Variants in PDZRN3 observed in about 807,000 individuals in gnomAD.
The protein encoded by PDZRN3 is E3 ubiquitin-protein ligase PDZRN3.
Under a neutral mutation model 85.7 loss-of-function variants are expected in PDZRN3, and 38 were observed. That is an observed-to-expected ratio of 0.44 (90% CI 0.34 to 0.58). The LOEUF (loss-of-function observed/expected upper bound fraction) is 0.58. PDZRN3 is among the 20% of genes least tolerant of loss of function. PDZRN3 has a pLI of 0.01. For missense variants in PDZRN3, 1,629 were observed against 1,506.4 expected (o/e 1.08, Z -1.35); for synonymous variants, 759 against 638.0 (o/e 1.19, Z -2.86).
intron 3 of PDZRN3, among the ~76,000 whole-genome samples, chr3:73,563,236 C>T (rs933578357): frequency 2.0e-5 from 3 of 150,326 alleles, no homozygotes; most frequent in East Asian, 2.0e-4. Flanking sequence ...GGGGTTTCAC[C>T]GTGTTAGCCA....
chr3:73,582,898 TATTTC>T (rs1442129041), intron 3 of PDZRN3, among the ~76,000 whole-genome samples: 1 of 152,210 alleles, frequency 6.6e-6, no homozygotes, highest in African/African-American at 2.4e-5. Flanking sequence ...AAATGCATAC[TATTTC>T]ATCACATGGA....
At chr3:73,425,342 T>G (rs1471662029) in intron 3 of PDZRN3, among the ~76,000 whole-genome samples, 1 of 152,070 alleles carries the variant, frequency 6.6e-6, no homozygotes, top group Non-Finnish European at 1.5e-5. Flanking sequence ...TCTTATATAA[T>G]AATGATTATC....
At chr3:73,606,320 C>T (rs1356939157) in intron 2 of PDZRN3, among the ~76,000 whole-genome samples, 1 of 152,188 alleles carries the variant, frequency 6.6e-6, no homozygotes. Context: ...TGCTAAATGG[C>T]AAAACATGTT....
At chr3:73,488,422 A>G (rs1365170776) in intron 3 of PDZRN3, among the ~76,000 whole-genome samples, 1 of 152,128 alleles carries the variant, frequency 6.6e-6, no homozygotes, top group Non-Finnish European at 1.5e-5. Context: ...TTTTCCAATG[A>G]GCCAGGTTCT....
Position 73,391,234 on chromosome 3 carries a change from G to T in PDZRN3, c.1255-118C>A, listed in dbSNP as rs1701521015. 6.0e-6 allele frequency: 4 copies of T among 666,016 alleles called. No homozygotes were observed. The Admixed American group carries it at 9.6e-5, about 16-fold the overall frequency. 41.3% of individuals were successfully genotyped at this position (666,016 alleles called of 1,614,324 possible). On this transcript the variant is annotated intron_variant, in intron 5 of 9. Coordinates refer to ENST00000263666, the MANE Select transcript of PDZRN3 (RefSeq NM_015009.3). ...GAACTGGATTTCTTTGCATTCAACTGTGTAGGGCCGGTTAACTTACTAAAC... is the reference window on the plus strand; with the variant it reads ...GAACTGGATTTCTTTGCATTCAACTTTGTAGGGCCGGTTAACTTACTAAAC...
intron 3 of PDZRN3, among the ~76,000 whole-genome samples, chr3:73,450,140 T>G (rs766165323): frequency 1.3e-5 from 2 of 152,230 alleles, no homozygotes; most frequent in Non-Finnish European, 2.9e-5. Flanking sequence ...AGCATTGGTT[T>G]TTGGAAAATG....
At chr3:73,614,885 C>T (rs1410113154) in intron 1 of PDZRN3, among the ~76,000 whole-genome samples, 1 of 152,100 alleles carries the variant, frequency 6.6e-6, no homozygotes, top group Non-Finnish European at 1.5e-5. Context: ...TGTAATTCAA[C>T]CCAGCTCTAA....
chr3:73,450,579 C>T (rs1702838403), intron 3 of PDZRN3, among the ~76,000 whole-genome samples: 1 of 152,092 alleles, frequency 6.6e-6, no homozygotes, highest in African/African-American at 2.4e-5. Flanking sequence ...AAGGAATAGC[C>T]CACTTGTAAT....
At chr3:73,578,976 CA>C (rs943772165) in intron 3 of PDZRN3, among the ~76,000 whole-genome samples, 137 of 152,242 alleles carry the variant, frequency 9.0e-4, no homozygotes, top group African/African-American at 3.2e-3. Flanking sequence ...TATCTGAAGA[CA>C]AAAATTTTCC....
intron 3 of PDZRN3, among the ~76,000 whole-genome samples, chr3:73,417,127 T>G (rs896922416): frequency 6.6e-6 from 1 of 152,052 alleles, no homozygotes; most frequent in African/African-American, 2.4e-5. Flanking sequence ...CCTCCCAAAG[T>G]GCTGGGATTA....
intron 5 of PDZRN3, among the ~76,000 whole-genome samples, chr3:73,399,242 G>T (rs1701701388): frequency 6.6e-6 from 1 of 152,176 alleles, no homozygotes; most frequent in African/African-American, 2.4e-5. Flanking sequence ...CTTTTTAAAA[G>T]AACTCTACTT....
At chr3:73,435,761 C>T (rs189249018) in intron 3 of PDZRN3, among the ~76,000 whole-genome samples, 32 of 152,248 alleles carry the variant, frequency 2.1e-4, no homozygotes, top group Admixed American at 1.6e-3. Context: ...AGTTGCTTCT[C>T]TACCCTAGTT....
chr3:73,386,805 C>G (rs1701400757), intron 8 of PDZRN3, among the ~76,000 whole-genome samples: 1 of 152,174 alleles, frequency 6.6e-6, no homozygotes, highest in Non-Finnish European at 1.5e-5. Context: ...CCTTTGAGCT[C>G]ATGAGGCTCC....
chr3:73,488,829 T>C (rs1049338559), intron 3 of PDZRN3, among the ~76,000 whole-genome samples: 27 of 152,344 alleles, frequency 1.8e-4, no homozygotes, highest in African/African-American at 5.0e-4. Flanking sequence ...TCATGGAGCA[T>C]GCACTGGGGA....
At position 73,384,652 on chromosome 3, in the gene PDZRN3, G is replaced by A. The variant is rs374714693; in HGVS notation, c.1914C>T (p.Ile638=). The A allele has an allele frequency of 2.5e-6, 4 of 1,613,966 alleles. No homozygotes were observed. The highest frequency in any genetic ancestry group is 3.4e-6 in the Non-Finnish European group (4 of 1,180,042). Residue 638 remains isoleucine (I), a synonymous_variant, in exon 10 of 10, where the codon ATC becomes ATT. Coordinates refer to ENST00000263666, the MANE Select transcript of PDZRN3 (RefSeq NM_015009.3). ...GGAAGCGCTCGCACTCGTCCACCGG[G>A]ATCCCCAGGTAGTCGGCGTCCGTGC... ...ADCTDADYLG[I]PVDECERFRE... is the part of the protein sequence containing the mutation.
chr3:73,618,885 TG>T (rs1702808836), intron 1 of PDZRN3, among the ~76,000 whole-genome samples: 1 of 152,242 alleles, frequency 6.6e-6, no homozygotes. Flanking sequence ...TGCGCTGTTT[TG>T]TTAGATATAC....
intron 3 of PDZRN3, among the ~76,000 whole-genome samples, chr3:73,545,808 GCCATGGCAGAGTTTTTT>G (rs1399383047): frequency 1.3e-5 from 2 of 152,114 alleles, no homozygotes; most frequent in Non-Finnish European, 2.9e-5. Context: ...TTTGCTGAGG[GCCATGGCAGAGTTTTTT>G]CCACACCACA....
chr3:73,598,033 G>A (rs1394772624), intron 3 of PDZRN3, among the ~76,000 whole-genome samples: 1 of 152,138 alleles, frequency 6.6e-6, no homozygotes, highest in African/African-American at 2.4e-5. Context: ...TTGATCTTAT[G>A]TGATTTTTCA....
chr3:73,562,313 TATAGA>T (rs1701835626), intron 3 of PDZRN3, among the ~76,000 whole-genome samples: 1 of 152,148 alleles, frequency 6.6e-6, no homozygotes, highest in East Asian at 1.9e-4. Context: ...GTAAGTGTAA[TATAGA>T]TAGTGTTTTG....
Sources: allele counts gnomAD v4.1 joint callset (sites outside exome capture counted in the v4.1 genomes callset), GRCh38; gene constraint gnomAD v4.1.1; transcripts MANE v1.5; gene names NCBI Gene and HGNC (gene_info 2026-07-23, HGNC 2026-07-21).